The following SIM1 variants were observed in gnomAD, a reference collection of about 807,000 sequenced individuals.
SIM1 encodes SIM bHLH transcription factor 1, also known as single-minded homolog 1.
SIM1 carries 18 observed loss-of-function variants against 78.2 expected under a neutral mutation model. The ratio of observed to expected loss-of-function variants is 0.23; its 90% CI spans 0.16 to 0.34. The LOEUF (loss-of-function observed/expected upper bound fraction) is 0.34, where lower values mean the gene tolerates loss of function less well. SIM1 is among the 10% of genes least tolerant of loss of function. The pLI is 1.00. For missense variants in SIM1, 939 were observed against 975.1 expected (o/e 0.96, Z 0.49); for synonymous variants, 417 against 385.2 (o/e 1.08, Z -0.97).
intron 9 of SIM1, among the ~76,000 whole-genome samples, chr6:100,423,853 C>T (rs577816590): frequency 5.9e-5 from 9 of 152,302 alleles, no homozygotes; most frequent in South Asian, 4.1e-4. Flanking sequence ...GTGTCAAATG[C>T]ACTTCCGTTC....
intron 10 of SIM1, among the ~76,000 whole-genome samples, chr6:100,418,608 T>A (rs1480992186): frequency 6.6e-6 from 1 of 152,050 alleles, no homozygotes; most frequent in East Asian, 1.9e-4. Flanking sequence ...AAACAAAGAC[T>A]AGACAGTGAG....
chr6:100,447,739 C>A (rs1198584417), intron 8 of SIM1, among the ~76,000 whole-genome samples: 1 of 152,200 alleles, frequency 6.6e-6, no homozygotes, highest in Non-Finnish European at 1.5e-5. Flanking sequence ...GGCAGCTGAG[C>A]TCCGGCGCTC....
intron 9 of SIM1, among the ~76,000 whole-genome samples, chr6:100,424,608 T>A (rs550988724): frequency 6.6e-6 from 1 of 152,068 alleles, no homozygotes; most frequent in Admixed American, 6.5e-5. Flanking sequence ...ACTGATTTTT[T>A]TTTTTTATTT....
intron 10 of SIM1, among the ~76,000 whole-genome samples, chr6:100,408,059 C>T (rs775746411): frequency 3.9e-5 from 6 of 152,030 alleles, no homozygotes; most frequent in Admixed American, 2.0e-4. Context: ...ATTATCAAGA[C>T]CTATGTCAAG....
At chr6:100,456,476 T>C (rs1772665495) in intron 2 of SIM1, among the ~76,000 whole-genome samples, 1 of 152,214 alleles carries the variant, frequency 6.6e-6, no homozygotes, top group African/African-American at 2.4e-5. Flanking sequence ...AAGATTCTCT[T>C]GCAATTCGGC....
chr6:100,412,661 G>A lies in SIM1; in HGVS notation c.1167+8129C>T, dbSNP rs1453591735. Among the ~76,000 whole-genome samples, 33 of 122,182 alleles carry A rather than the reference G, an allele frequency of 2.7e-4. 2 individuals are homozygous for A. The highest frequency in any genetic ancestry group is 9.8e-4 in the African/African-American group (31 of 31,542). The allele number at this position is 122,182 out of a possible 152,430, so 80.2% of individuals were successfully genotyped here. A position where few individuals can be genotyped will look rare whatever the true frequency, so the allele number is the denominator to read the frequency against. On this transcript the variant is annotated intron_variant, in intron 10 of 11. Transcript: ENST00000369208. ...GAAAAGAAAGAAAGAAAGAAAGAGA[G>A]AGAGAGAGAGAGAAAGAAAGAAAAA...
Position 100,463,575 on chromosome 6 carries a change from A to G in SIM1, c.-107T>C. 2 of 1,044,842 alleles carry G rather than the reference A, an allele frequency of 1.9e-6. 1 individual carries two copies. The highest frequency in any genetic ancestry group is 2.8e-6 in the Non-Finnish European group (2 of 708,388). The allele number at this position is 1,044,842 out of a possible 1,614,324, so 64.7% of individuals were successfully genotyped here. ...CATATTTGGCAAAAACATAAAACAT[A>G]CTTTGAATAAAGAGGCTGAAGTATT... is the stretch of plus-strand genomic sequence containing the variant. On this transcript the variant is annotated 5_prime_UTR_variant, in exon 2 of 12. Transcript: ENST00000369208.
At chr6:100,418,723 A>T (rs1279978103) in intron 10 of SIM1, among the ~76,000 whole-genome samples, 1 of 152,218 alleles carries the variant, frequency 6.6e-6, no homozygotes, top group Non-Finnish European at 1.5e-5. Flanking sequence ...TTCTTCTTTC[A>T]TCTATGTGTC....
At chr6:100,416,798 G>T (rs1156495148) in intron 10 of SIM1, among the ~76,000 whole-genome samples, 1 of 151,930 alleles carries the variant, frequency 6.6e-6, no homozygotes, top group Non-Finnish European at 1.5e-5. Context: ...AAAGATACAA[G>T]CAACAAAGGA....
Position 100,390,172 on chromosome 6 carries a change from C to A in SIM1, c.*189G>T. On this transcript the variant is annotated 3_prime_UTR_variant, in exon 12 of 12. Transcript: ENST00000369208. The stretch of plus-strand genomic sequence containing the variant: ...GGAAATTTGTGTATTCAATTTAGCT[C>A]CCTTTTCTGTGTATAACCCTGAATG... The A allele has an allele frequency of 1.6e-6, 1 of 617,762 alleles. No homozygotes were observed. The highest frequency in any genetic ancestry group is 2.7e-6 in the Non-Finnish European group (1 of 368,132). 38.3% of individuals were successfully genotyped at this position (617,762 alleles called of 1,614,324 possible). A position where few individuals can be genotyped will look rare whatever the true frequency, so the allele number is the denominator to read the frequency against.
At chr6:100,403,883 A>C (rs1456456162) in intron 10 of SIM1, among the ~76,000 whole-genome samples, 5 of 152,216 alleles carry the variant, frequency 3.3e-5, no homozygotes, top group Admixed American at 2.0e-4. Flanking sequence ...GACATAACAA[A>C]TAAGGTTCAA....
At chr6:100,435,170 C>T (rs906099599) in intron 9 of SIM1, among the ~76,000 whole-genome samples, 1 of 152,116 alleles carries the variant, frequency 6.6e-6, no homozygotes, top group Non-Finnish European at 1.5e-5. Flanking sequence ...AACTGAGTCA[C>T]TTTGTGGAGA....
intron 10 of SIM1, among the ~76,000 whole-genome samples, chr6:100,395,239 T>A (rs1036974016): frequency 2.0e-5 from 3 of 152,262 alleles, no homozygotes; most frequent in South Asian, 2.1e-4. Flanking sequence ...GAGCTTACTA[T>A]GTGTCTGGCA....
chr6:100,452,360 G>A lies in SIM1; in HGVS notation c.258+1402C>T, dbSNP rs141632574. Among the ~76,000 whole-genome samples, 1,248 of 152,274 alleles carry A rather than the reference G, an allele frequency of 8.2e-3. 6 individuals are homozygous for A. Among genetic ancestry groups the A allele is most frequent in the Admixed American group, 0.017 (257 of 15,290 alleles). On this transcript the variant is annotated intron_variant, in intron 3 of 11. Coordinates refer to ENST00000369208, the MANE Select transcript of SIM1 (RefSeq NM_005068.3). ...CTTGTAAAGCTGCTCTCCTTAGAATGCAAACTCCATGAGAGCAGGGCTTTC... is the reference window on the plus strand; with the variant it reads ...CTTGTAAAGCTGCTCTCCTTAGAATACAAACTCCATGAGAGCAGGGCTTTC...
intron 10 of SIM1, among the ~76,000 whole-genome samples, chr6:100,406,947 T>A (rs1191764496): frequency 6.6e-6 from 1 of 152,170 alleles, no homozygotes; most frequent in Non-Finnish European, 1.5e-5. Flanking sequence ...ATCTTATAAC[T>A]GGAAGTTTGT....
chr6:100,449,933 G>A lies in SIM1; in HGVS notation c.349-234C>T, dbSNP rs187897742. Among the ~76,000 whole-genome samples, 477 of 152,222 alleles carry A rather than the reference G, an allele frequency of 3.1e-3. 3 individuals carry two copies. Among genetic ancestry groups the A allele is most frequent in the Non-Finnish European group, 4.8e-3 (328 of 68,014 alleles). ...AGTAATAATGATGATAATAATAATA[G>A]TAGTAATAGTAGTAGTAGCAACAGC... On this transcript the variant is annotated intron_variant, in intron 4 of 11. Coordinates refer to ENST00000369208, the MANE Select transcript of SIM1 (RefSeq NM_005068.3).
intron 4 of SIM1, 135 bp from the exon 5 acceptor site, chr6:100,449,834 C>T: frequency 1.5e-6 from 1 of 677,896 alleles, no homozygotes; most frequent in South Asian, 1.7e-5. Context: ...GTTCCAATGC[C>T]AGCTCTGCTT....
chr6:100,447,996 A>G (rs1772406521), intron 8 of SIM1, 150 bp downstream of exon 8: 1 of 609,320 alleles, frequency 1.6e-6, no homozygotes, highest in Admixed American at 3.0e-5. Flanking sequence ...AGTGTCGGAG[A>G]AGTCCCTCAG....
rs1973543 is a variant in SIM1, at chr6:100,450,704, A to T, written c.259-348T>A. Among the ~76,000 whole-genome samples the T allele has an allele frequency of 9.3e-3, 975 of 105,004 alleles. 9 individuals are homozygous for T. The highest frequency in any genetic ancestry group is 0.042 in the African/African-American group (862 of 20,606). 68.9% of individuals were successfully genotyped at this position (105,004 alleles called of 152,430 possible). On this transcript the variant is annotated intron_variant, in intron 3 of 11. Coordinates refer to ENST00000369208, the MANE Select transcript of SIM1 (RefSeq NM_005068.3). ...CTCTCTCTCTCTCTCTCTCACACAC[A>T]CACACACACACACACACACACACAC...
Sources: gnomAD v4.1 joint callset for allele counts (sites outside exome capture counted in the v4.1 genomes callset) on GRCh38, gnomAD v4.1.1 for gene constraint, MANE v1.5 for transcripts, NCBI Gene and HGNC (gene_info 2026-07-23, HGNC 2026-07-21) for gene names.